MEPE: variants seen among roughly 807,000 people sequenced by gnomAD.
MEPE encodes the protein matrix extracellular phosphoglycoprotein, also known as matrix, extracellular phosphoglycoprotein with ASARM motif (bone).
A neutral mutation model predicts 7.3 loss-of-function variants in MEPE; 7 were observed. That is an observed-to-expected ratio of 0.95 (90% CI 0.54 to 1.79). MEPE has a LOEUF of 1.79. MEPE is among the 40% of genes most tolerant of loss of function. The probability of loss-of-function intolerance (pLI) is 0.00; values close to 1 mark genes in which losing one functional copy is unlikely to be tolerated. For synonymous variants in MEPE, 214 were observed against 213.1 expected (o/e 1.00, Z -0.04); for missense variants, 623 against 628.2 (o/e 0.99, Z 0.09).
Position 87,838,641 on chromosome 4 carries a change from CCA to C in MEPE, c.67_68del (p.Gln23AspfsTer2). ...TCTTGTTTCCTTTCAGACATTTCAA[CCA>C]CAGACTGAGAAAACTAAGCAAAGCT... is the stretch of plus-strand genomic sequence containing the variant. Reference protein sequence around the residue: ...SVTWAAPTFQPQTEKTKQSCV... With the variant: ...SVTWAAPTFQXQTEKTKQSCV... On this transcript the variant is annotated frameshift_variant, in exon 3 of 4. Transcript: ENST00000361056. LOFTEE classifies it low-confidence loss of function (END_TRUNC). The C allele has an allele frequency of 6.2e-7, 1 of 1,613,258 alleles. No individual in the cohort carries two copies. The highest frequency in any genetic ancestry group is 8.5e-7 in the Non-Finnish European group (1 of 1,179,462).
intron 1 of MEPE, among the ~76,000 whole-genome samples, chr4:87,827,014 T>C (rs926542704): frequency 1.2e-4 from 18 of 152,250 alleles, no homozygotes; most frequent in Non-Finnish European, 1.5e-5. Context: ...TTAGATCCCA[T>C]TTCTGACTGA....
chr4:87,845,555 C>T lies in MEPE; in HGVS notation c.687C>T (p.Val229=). The T allele has an allele frequency of 6.2e-7, 1 of 1,610,560 alleles. No individual in the cohort carries two copies. The change falls in exon 4 of 4, where the codon GTC becomes GTT. Residue 229 remains valine (V), a synonymous_variant. Transcript: ENST00000361056. ...NIDYLKHLSK[V]KKIPSDFEGS... ...ACTACCTAAAACATCTCTCAAAAGTCAAAAAAATCCCCAGTGATTTTGAAG... is the reference window on the plus strand; with the variant it reads ...ACTACCTAAAACATCTCTCAAAAGTTAAAAAAATCCCCAGTGATTTTGAAG...
chr4:87,839,633 A>T, intron 3 of MEPE: 2 of 1,328,442 alleles, frequency 1.5e-6, no homozygotes, highest in Non-Finnish European at 2.1e-6. Context: ...GAGCCCAAAA[A>T]CTTCTTTGTA....
Position 87,846,744 on chromosome 4 carries a change from T to A in MEPE, c.*298T>A. ...TGGTGAATGTCACAAATGCCTTCTA[T>A]GTTGTTTGCTCTGTAGACATGAAAA... On this transcript the variant is annotated 3_prime_UTR_variant, in exon 4 of 4. Coordinates refer to ENST00000361056, the MANE Select transcript of MEPE (RefSeq NM_020203.6). 1 of 317,818 alleles carries A rather than the reference T, an allele frequency of 3.1e-6. No individual in the cohort carries two copies. 19.7% of individuals were successfully genotyped at this position (317,818 alleles called of 1,614,324 possible). A position where few individuals can be genotyped will look rare whatever the true frequency, so the allele number is the denominator to read the frequency against.
Position 87,837,924 on chromosome 4 carries a change from CT to C in MEPE, c.55-705del, listed in dbSNP as rs147644367. The C allele has an allele frequency of 2.3e-3, 356 of 152,300 alleles. 3 individuals are homozygous for C. The highest frequency in any genetic ancestry group is 8.0e-3 in the African/African-American group (331 of 41,558). The allele number at this position is 152,300 out of a possible 1,614,324, so 9.4% of individuals were successfully genotyped here. ...CTGGGACAAACTGCCGAGGTCTGTT[CT>C]TTCTTCATTTCTGCCCTTTCTGCGC... On this transcript the variant is annotated intron_variant, in intron 2 of 3. Transcript: ENST00000361056.
Position 87,846,092 on chromosome 4 carries a change from A to G in MEPE, c.1224A>G (p.Arg408=). The G allele has an allele frequency of 6.2e-7, 1 of 1,614,036 alleles. No individual in the cohort carries two copies. The highest frequency in any genetic ancestry group is 8.5e-7 in the Non-Finnish European group (1 of 1,179,942). ...EIPKNGKGST[R]KGVDHSNRNQ... Reference sequence around the variant, plus strand: ...CTAAAAATGGCAAAGGCAGTACCAGAAAGGGTGTAGATCATTCTAATAGGA... The same window carrying G: ...CTAAAAATGGCAAAGGCAGTACCAGGAAGGGTGTAGATCATTCTAATAGGA... Residue 408 remains arginine (R), a synonymous_variant, in exon 4 of 4, where the codon AGA becomes AGG. Transcript: ENST00000361056.
chr4:87,846,091 GA>G lies in MEPE; in HGVS notation c.1226del (p.Lys409ArgfsTer3), dbSNP rs759964028. The G allele has an allele frequency of 1.2e-6, 2 of 1,614,012 alleles. No homozygotes were observed. Among genetic ancestry groups the G allele is most frequent in the South Asian group, 2.2e-5 (2 of 91,072 alleles). ...EIPKNGKGST[R>X]KGVDHSNRNQ... ...CCTAAAAATGGCAAAGGCAGTACCA[GA>G]AAGGGTGTAGATCATTCTAATAGGA... On this transcript the variant is annotated frameshift_variant, in exon 4 of 4. Transcript: ENST00000361056. LOFTEE classifies it low-confidence loss of function (END_TRUNC).
chr4:87,837,310 C>T (rs73840162), intron 2 of MEPE, among the ~76,000 whole-genome samples: 2 of 152,080 alleles, frequency 1.3e-5, no homozygotes, highest in African/African-American at 2.4e-5. Context: ...GCCCCAAACA[C>T]GGAGAGTAGA....
chr4:87,823,398 T>A (rs1474374755), intron 1 of MEPE, among the ~76,000 whole-genome samples: 1 of 152,210 alleles, frequency 6.6e-6, no homozygotes, highest in African/African-American at 2.4e-5. Context: ...AGGGGACCCA[T>A]CTTTAATCTG....
At position 87,845,445 on chromosome 4, in the gene MEPE, G is replaced by A; in HGVS notation, c.577G>A (p.Asp193Asn). The A allele has an allele frequency of 6.2e-7, 1 of 1,613,770 alleles. No individual in the cohort carries two copies. The highest frequency in any genetic ancestry group is 1.3e-5 in the African/African-American group (1 of 74,970). Residue 193 changes from aspartate to asparagine, a missense_variant, in exon 4 of 4, where the codon GAT becomes AAT. Physicochemically the swap from Asp to Asn is conservative, Grantham distance 23. Coordinates refer to ENST00000361056, the MANE Select transcript of MEPE (RefSeq NM_020203.6). ...SMNYAKAHSK[D>N]KKKPQRDSQA... ...GAATTATGCTAAAGCACACTCGAAG[G>A]ATAAAAAGAAGCCTCAAAGAGATTC... is the stretch of plus-strand genomic sequence containing the variant.
In MEPE at chr4:87,845,926, G is replaced by A; in HGVS notation, c.1058G>A (p.Arg353Lys). 6.2e-7 allele frequency: 1 copy of A among 1,614,014 alleles called. No homozygotes were observed. The highest frequency in any genetic ancestry group is 8.5e-7 in the Non-Finnish European group (1 of 1,179,960). ...ACCAATTTTAAGGAGCTCCCTGGAA[G>A]AGAAGGAAACAGAGTGGATGCTGGC... ...GSTNFKELPG[R>K]EGNRVDAGSQ... Residue 353 changes from arginine (R) to lysine (K), a missense_variant, in exon 4 of 4, where the codon AGA becomes AAA. By Grantham distance (26) the Arg-to-Lys change is conservative (BLOSUM62 2). Transcript: ENST00000361056.
chr4:87,826,826 T>A (rs370069074), intron 1 of MEPE, among the ~76,000 whole-genome samples: 84 of 152,358 alleles, frequency 5.5e-4, no homozygotes, highest in African/African-American at 1.9e-3. Flanking sequence ...CTTTCCCCAC[T>A]TTTTAATGGG....
intron 1 of MEPE, among the ~76,000 whole-genome samples, chr4:87,823,427 C>T (rs144927086): frequency 1.1e-3 from 161 of 152,254 alleles, no homozygotes; most frequent in Non-Finnish European, 1.8e-3. Flanking sequence ...ACTAAATATC[C>T]CTCTCCTTTT....
chr4:87,846,431 G>C lies in MEPE; in HGVS notation c.1563G>C (p.Glu521Asp), dbSNP rs1227759422. 3.1e-6 allele frequency: 5 copies of C among 1,612,752 alleles called. No individual in the cohort carries two copies. The South Asian group carries it at 3.3e-5, about 11-fold the overall frequency. Residue 521 changes from glutamate (E) to aspartate (D), a missense_variant, in exon 4 of 4, where the codon GAG becomes GAC. Physicochemically the swap from Glu to Asp is conservative, Grantham distance 45. Coordinates refer to ENST00000361056, the MANE Select transcript of MEPE (RefSeq NM_020203.6). ...SESSDSGSSSESDGD is the reference protein window; with the variant it reads ...SESSDSGSSSDSDGD ...CATCTGACAGTGGCAGTTCAAGTGAGAGCGATGGTGACTAGTCCACCAGGA... is the reference window on the plus strand; with the variant it reads ...CATCTGACAGTGGCAGTTCAAGTGACAGCGATGGTGACTAGTCCACCAGGA...
In MEPE at chr4:87,845,964, C is replaced by A; in HGVS notation, c.1096C>A (p.His366Asn). 6.2e-7 allele frequency: 1 copy of A among 1,613,898 alleles called. No homozygotes were observed. Among genetic ancestry groups the A allele is most frequent in the Non-Finnish European group, 8.5e-7 (1 of 1,179,948 alleles). ...AGTGGATGCTGGCAGCCAAAATGCTCACCAAGGGAAGGTTGAGTTTCATTA... is the reference window on the plus strand; with the variant it reads ...AGTGGATGCTGGCAGCCAAAATGCTAACCAAGGGAAGGTTGAGTTTCATTA... ...NRVDAGSQNA[H>N]QGKVEFHYPP... The change falls in exon 4 of 4, where the codon CAC becomes AAC. Residue 366 changes from histidine (H) to asparagine (N), a missense_variant. Physicochemically the swap from His to Asn is moderately conservative, Grantham distance 68. Transcript: ENST00000361056.
intron 1 of MEPE, among the ~76,000 whole-genome samples, chr4:87,833,361 G>A (rs140135370): frequency 1.3e-5 from 2 of 152,184 alleles, no homozygotes; most frequent in Non-Finnish European, 2.9e-5. Context: ...CCTCATCTGT[G>A]TTGATATTTC....
rs2109996895 is a variant in MEPE at position 87,834,755 on chromosome 4, C to T, written c.41C>T (p.Thr14Ile). 6.2e-7 allele frequency: 1 copy of T among 1,612,784 alleles called. No homozygotes were observed. Among genetic ancestry groups the T allele is most frequent in the East Asian group, 2.2e-5 (1 of 44,862 alleles). Reference sequence around the variant, plus strand: ...GTGGGACTACTCCTTTTCAGTGTGACCTGGGCAGCACCAGTAAGTATTTAC... The same window carrying T: ...GTGGGACTACTCCTTTTCAGTGTGATCTGGGCAGCACCAGTAAGTATTTAC... Reference protein sequence around the residue: ...FCVGLLLFSVTWAAPTFQPQT... With the variant: ...FCVGLLLFSVIWAAPTFQPQT... Residue 14 changes from threonine (T) to isoleucine (I), a missense_variant, in exon 2 of 4, where the codon ACC becomes ATC. By Grantham distance (89) the Thr-to-Ile change is moderately conservative. Coordinates refer to ENST00000361056, the MANE Select transcript of MEPE (RefSeq NM_020203.6).
chr4:87,846,612 GT>G lies in MEPE; in HGVS notation c.*167del, dbSNP rs1190887535. 4.5e-6 allele frequency: 3 copies of G among 664,348 alleles called. No homozygotes were observed. In the Admixed American group the frequency reaches 9.4e-5, roughly 21 times the overall value. 41.2% of individuals were successfully genotyped at this position (664,348 alleles called of 1,614,324 possible). On this transcript the variant is annotated 3_prime_UTR_variant, in exon 4 of 4. Transcript: ENST00000361056. ...TGGGGGAATTTTTGCTATCTTAATAGTCACAGTATAAAATTCTATTAAAGGC... is the reference window on the plus strand; with the variant it reads ...TGGGGGAATTTTTGCTATCTTAATAGCACAGTATAAAATTCTATTAAAGGC...
upstream of MEPE, among the ~76,000 whole-genome samples, chr4:87,829,825 T>C (rs1722554627): frequency 6.6e-6 from 1 of 151,956 alleles, no homozygotes; most frequent in Admixed American, 6.6e-5. Context: ...CTTCCTTGAC[T>C]TCCATTCCCT....
Sources: allele counts gnomAD v4.1 joint callset (sites outside exome capture counted in the v4.1 genomes callset), GRCh38; gene constraint gnomAD v4.1.1; transcripts MANE v1.5; gene names NCBI Gene and HGNC (gene_info 2026-07-23, HGNC 2026-07-21).